The following LRRC1 variants were observed in gnomAD, a reference collection of about 807,000 sequenced individuals.
LRRC1 encodes leucine-rich repeat-containing protein 1.
LRRC1 carries 28 observed loss-of-function variants against 69.9 expected under a neutral mutation model. That is an observed-to-expected ratio of 0.40 (90% confidence interval 0.30 to 0.55). The LOEUF is 0.55. Among genes scored for constraint, LRRC1 ranks in the 20% least tolerant of loss-of-function variants. The pLI is 0.47. For synonymous variants in LRRC1, 236 were observed against 240.2 expected, an observed-to-expected ratio of 0.98 and a Z score of 0.16; for missense variants, 498 against 609.0, an observed-to-expected ratio of 0.82 and a Z score of 1.92.
At chr6:53,899,946 G>A (rs1046883770) in intron 8 of LRRC1, 55 bp downstream of exon 8, 26 of 1,541,560 alleles carry the variant, frequency 1.7e-5, no homozygotes, top group Non-Finnish European at 2.1e-5. Context: ...CGTCTTGAGG[G>A]TTTGGGGCAC....
rs1562066458 is a variant in LRRC1 at position 53,900,035 on chromosome 6, T to TG, written c.787+144_787+145insG. ...TCTCCTTACTGTTTTTTTTTTTTTT[T>TG]TTTTTTTTTTTTTTTTTTCTGAGAT... On this transcript the variant is annotated intron_variant, in intron 8 of 13. Coordinates refer to ENST00000370888, the MANE Select transcript of LRRC1 (RefSeq NM_018214.5). 8.2e-4 allele frequency: 500 copies of TG among 607,984 alleles called. 5 individuals are homozygous for TG. The African/African-American group carries it at 0.011, about 13-fold the overall frequency. The allele number at this position is 607,984 out of a possible 1,614,324, so 37.7% of individuals were successfully genotyped here.
chr6:53,866,584 G>C (rs1766710778), intron 2 of LRRC1, among the ~76,000 whole-genome samples: 2 of 152,110 alleles, frequency 1.3e-5, no homozygotes, highest in African/African-American at 2.4e-5. Context: ...GGAGTATTGG[G>C]CACTGTGGAA....
At chr6:53,894,776 A>G (rs1767812780) in intron 4 of LRRC1, among the ~76,000 whole-genome samples, 1 of 152,176 alleles carries the variant, frequency 6.6e-6, no homozygotes, top group African/African-American at 2.4e-5. Context: ...GGTGGTGTAC[A>G]TCTCATCCTC....
chr6:53,814,041 C>T (rs1269134265), intron 1 of LRRC1, among the ~76,000 whole-genome samples: 9 of 152,108 alleles, frequency 5.9e-5, no homozygotes, highest in Non-Finnish European at 5.9e-5. Context: ...TTTCTTGATT[C>T]GTACTTCCTC....
chr6:53,834,673 C>T (rs769415009), intron 1 of LRRC1, among the ~76,000 whole-genome samples: 3 of 152,188 alleles, frequency 2.0e-5, no homozygotes, highest in Non-Finnish European at 4.4e-5. Context: ...AACTCTACCT[C>T]ACTTGGTTAT....
At chr6:53,913,123 T>C (rs1481191026) in intron 10 of LRRC1, among the ~76,000 whole-genome samples, 1 of 152,168 alleles carries the variant, frequency 6.6e-6, no homozygotes, top group Non-Finnish European at 1.5e-5. Flanking sequence ...AAAAAAATGG[T>C]AATCAAATTT....
intron 1 of LRRC1, among the ~76,000 whole-genome samples, chr6:53,809,732 G>C (rs1033169670): frequency 4.6e-5 from 7 of 152,180 alleles, no homozygotes; most frequent in African/African-American, 1.7e-4. Flanking sequence ...CAATTCACTG[G>C]TAGTTTCCCC....
intron 1 of LRRC1, among the ~76,000 whole-genome samples, chr6:53,798,411 TC>T (rs1764364309): frequency 6.6e-6 from 1 of 152,252 alleles, no homozygotes; most frequent in Non-Finnish European, 1.5e-5. Flanking sequence ...GGAGTCTCAC[TC>T]TTGTTGCCTA....
At chr6:53,851,339 G>A (rs1209215803) in intron 2 of LRRC1, among the ~76,000 whole-genome samples, 1 of 152,132 alleles carries the variant, frequency 6.6e-6, no homozygotes, top group African/African-American at 2.4e-5. Context: ...CTGCAGGAAA[G>A]CCAGTGGTGT....
chr6:53,844,511 C>G (rs552069187), intron 2 of LRRC1, among the ~76,000 whole-genome samples: 1 of 152,174 alleles, frequency 6.6e-6, no homozygotes, highest in Non-Finnish European at 1.5e-5. Context: ...ACATTTGTAG[C>G]TAGAAAGAAG....
chr6:53,851,365 C>G lies in LRRC1; in HGVS notation c.277+9138C>G, dbSNP rs1007861358. Among the ~76,000 whole-genome samples, 3 of 152,070 alleles carry G rather than the reference C, an allele frequency of 2.0e-5. No homozygotes were observed. In the South Asian group the frequency reaches 6.2e-4, roughly 32 times the overall value. On this transcript the variant is annotated intron_variant, in intron 2 of 13. Coordinates refer to ENST00000370888, the MANE Select transcript of LRRC1 (RefSeq NM_018214.5). ...CCAGTGGTGTAATTCCAGTCTGAGT[C>G]TGAAGGCCTGAGAACCAGGGAAGCC...
At position 53,893,018 on chromosome 6, in the gene LRRC1, C is replaced by T. The variant is rs180916150; in HGVS notation, c.447-3480C>T. 6.4e-4 allele frequency among the ~76,000 whole-genome samples: 98 copies of T among 152,220 alleles called. 1 individual carries two copies. In the Middle Eastern group the frequency reaches 0.01, roughly 16 times the overall value. On this transcript the variant is annotated intron_variant, in intron 4 of 13. Transcript: ENST00000370888. ...TGATGAGTTAAAAATTGGCCAATGC[C>T]AGATGTAGGGCCTGTCCTTCAAGGA...
intron 2 of LRRC1, among the ~76,000 whole-genome samples, chr6:53,861,829 C>T (rs929503044): frequency 1.9e-4 from 29 of 151,922 alleles, no homozygotes; most frequent in African/African-American, 5.3e-4. Context: ...CACTATAGTT[C>T]GGGCGTGTGA....
chr6:53,903,889 A>G (rs1562068446), intron 9 of LRRC1, among the ~76,000 whole-genome samples: 1 of 152,222 alleles, frequency 6.6e-6, no homozygotes, highest in African/African-American at 2.4e-5. Context: ...GTTCTGGTAG[A>G]GCTCTGCTCC....
intron 2 of LRRC1, among the ~76,000 whole-genome samples, chr6:53,876,383 CT>C (rs1767070652): frequency 6.6e-6 from 1 of 152,272 alleles, no homozygotes; most frequent in East Asian, 1.9e-4. Flanking sequence ...CATTCTGCCC[CT>C]GGCCCCTCCC....
chr6:53,899,586 G>A (rs1581909421), intron 7 of LRRC1, among the ~76,000 whole-genome samples, 161 bp from the exon 8 acceptor site: 1 of 152,300 alleles, frequency 6.6e-6, no homozygotes, highest in East Asian at 1.9e-4. Flanking sequence ...TTCATTGGAA[G>A]GGGATCTAGG....
Position 53,921,921 on chromosome 6 carries a change from C to T in LRRC1, c.1417-714C>T, listed in dbSNP as rs75935104. Among the ~76,000 whole-genome samples the T allele has an allele frequency of 2.0e-3, 300 of 152,314 alleles. 4 individuals carry two copies. The East Asian group carries it at 0.041, about 21-fold the overall frequency. On this transcript the variant is annotated intron_variant, in intron 13 of 13. Coordinates refer to ENST00000370888, the MANE Select transcript of LRRC1 (RefSeq NM_018214.5). Reference sequence around the variant, plus strand: ...TGATTATCACCAGTGACTTCATTGCCTCTTCCAGTATTTTGTTAACCTAGT... The same window carrying T: ...TGATTATCACCAGTGACTTCATTGCTTCTTCCAGTATTTTGTTAACCTAGT...
intron 1 of LRRC1, among the ~76,000 whole-genome samples, chr6:53,832,946 A>G (rs1765471949): frequency 6.6e-6 from 1 of 152,170 alleles, no homozygotes. Context: ...ATTATTAAAT[A>G]TTCTCCAGAA....
At position 53,846,114 on chromosome 6, in the gene LRRC1, A is replaced by T. The variant is rs192365674; in HGVS notation, c.277+3887A>T. 1.1e-3 allele frequency among the ~76,000 whole-genome samples: 165 copies of T among 152,274 alleles called. 1 individual carries two copies. Among genetic ancestry groups the T allele is most frequent in the Non-Finnish European group, 2.2e-3 (147 of 68,020 alleles). On this transcript the variant is annotated intron_variant, in intron 2 of 13. Transcript: ENST00000370888. ...CCAGGTTTTGCGTTTCTCTTTAAAGACGTTTGTAAATGAAGAGAGAAGTTT... is the reference window on the plus strand; with the variant it reads ...CCAGGTTTTGCGTTTCTCTTTAAAGTCGTTTGTAAATGAAGAGAGAAGTTT...
Sources: gnomAD v4.1 joint callset for allele counts (sites outside exome capture counted in the v4.1 genomes callset) on GRCh38, gnomAD v4.1.1 for gene constraint, MANE v1.5 for transcripts, NCBI Gene and HGNC (gene_info 2026-07-23, HGNC 2026-07-21) for gene names.